CAMK1G: variants seen among roughly 807,000 people sequenced by gnomAD.
The protein encoded by CAMK1G is calcium/calmodulin-dependent protein kinase type 1G.
In CAMK1G, 27 loss-of-function variants were observed where a neutral mutation model predicts 54.8. The observed-to-expected ratio is 0.49, with a 90% CI of 0.36 to 0.68. The LOEUF (loss-of-function observed/expected upper bound fraction) is 0.68, where lower values mean the gene tolerates loss of function less well. CAMK1G is among the 30% of genes least tolerant of loss of function. The probability of loss-of-function intolerance (pLI) is 0.00; values close to 1 mark genes in which losing one functional copy is unlikely to be tolerated. For missense variants in CAMK1G, 512 were observed against 591.0 expected (o/e 0.87, Z 1.39); for synonymous variants, 238 against 224.9 (o/e 1.06, Z -0.52).
intron 1 of CAMK1G, among the ~76,000 whole-genome samples, chr1:209,588,777 A>G (rs538219930): frequency 7.0e-4 from 107 of 152,334 alleles, no homozygotes; most frequent in Non-Finnish European, 1.2e-3. Flanking sequence ...GAGGAAGGAC[A>G]GAGAAGCTCC....
At chr1:209,595,845 G>A (rs1284413252) in intron 2 of CAMK1G, among the ~76,000 whole-genome samples, 1 of 152,182 alleles carries the variant, frequency 6.6e-6, no homozygotes. Flanking sequence ...TGATTACATG[G>A]CTGGCAGATC....
At chr1:209,603,154 C>T in intron 3 of CAMK1G, 60 bp from the exon 4 acceptor site, 3 of 1,564,696 alleles carry the variant, frequency 1.9e-6, no homozygotes, top group Non-Finnish European at 2.6e-6. Flanking sequence ...GCTAGGTCTG[C>T]ATTATTTGTC....
Position 209,612,170 on chromosome 1 carries a change from T to G in CAMK1G, c.1294T>G (p.Ser432Ala). 1 of 1,614,158 alleles carries G rather than the reference T, an allele frequency of 6.2e-7. No individual in the cohort carries two copies. ...GAACATTGGGAGCAAAGGAAAGTCC[T>G]CCTACTGCTCTGAGCCCACACTCCT... ...CLNIGSKGKSSYCSEPTLLKK... is the reference protein window; with the variant it reads ...CLNIGSKGKSAYCSEPTLLKK... Residue 432 changes from serine (S) to alanine (A), a missense_variant, in exon 11 of 13, where the codon TCC becomes GCC. Ser to Ala is a moderately conservative substitution (Grantham distance 99). Coordinates refer to ENST00000361322, the MANE Select transcript of CAMK1G (RefSeq NM_020439.3).
intron 6 of CAMK1G, 107 bp downstream of exon 6, chr1:209,606,550 G>C: frequency 7.8e-7 from 1 of 1,276,278 alleles, no homozygotes; most frequent in Non-Finnish European, 1.1e-6. Flanking sequence ...AACTTCAGGG[G>C]CTATCCTGGT....
chr1:209,608,721 A>G (rs574319626), intron 7 of CAMK1G, among the ~76,000 whole-genome samples: 1 of 152,202 alleles, frequency 6.6e-6, no homozygotes. Flanking sequence ...AAGTATAAGG[A>G]GAGGTGGCAA....
Position 209,611,923 on chromosome 1 carries a change from C to T in CAMK1G, c.1047C>T (p.Ser349=), listed in dbSNP as rs779208559. The part of the protein sequence containing the change: ...ETQASETSRP[S]SPEITITEAP... ...AAGCCTCAGAAACCTCTAGACCCAG[C>T]TCCCCTGAGATCACCATCACCGAGG... Residue 349 remains serine (S), a synonymous_variant, in exon 11 of 13, where the codon AGC becomes AGT. Transcript: ENST00000361322. 5.3e-5 allele frequency: 86 copies of T among 1,614,156 alleles called. No individual in the cohort carries two copies. Among genetic ancestry groups the T allele is most frequent in the Non-Finnish European group, 1.1e-5 (13 of 1,180,060 alleles).
At chr1:209,589,585 GC>G (rs1372364419) in intron 1 of CAMK1G, among the ~76,000 whole-genome samples, 1 of 152,136 alleles carries the variant, frequency 6.6e-6, no homozygotes, top group African/African-American at 2.4e-5. Flanking sequence ...CCACCCCCAA[GC>G]TTTTCTCTCA....
At chr1:209,601,453 T>C (rs1197155227) in intron 3 of CAMK1G, among the ~76,000 whole-genome samples, 2 of 152,092 alleles carry the variant, frequency 1.3e-5, no homozygotes, top group East Asian at 1.9e-4. Context: ...TAGAAAGAAA[T>C]TGGTTGGAAC....
chr1:209,605,520 G>T lies in CAMK1G; in HGVS notation c.297-16G>T. On this transcript the variant is annotated splice_polypyrimidine_tract_variant and intron_variant, in intron 4 of 12. Transcript: ENST00000361322. ...GAAATGAGAACTGAATTCCTGTCTT[G>T]ATCCTATGCCCACAGTGTTTCTGGT... The T allele has an allele frequency of 6.2e-7, 1 of 1,612,450 alleles. No individual in the cohort carries two copies. Among genetic ancestry groups the T allele is most frequent in the Non-Finnish European group, 8.5e-7 (1 of 1,179,024 alleles).
At position 209,608,993 on chromosome 1, in the gene CAMK1G, C is replaced by A; in HGVS notation, c.649C>A (p.Pro217Thr). The stretch of plus-strand genomic sequence containing the variant: ...GTCCTGCTGCAGGCTCTGTGGATAC[C>A]CCCCATTCTATGAAGAAACGGAGTC... ...VITYILLCGYPPFYEETESKL... is the reference protein window; with the variant it reads ...VITYILLCGYTPFYEETESKL... Residue 217 changes from proline (P) to threonine (T), a missense_variant, in exon 8 of 13, where the codon CCC becomes ACC. By Grantham distance (38) the Pro-to-Thr change is conservative (BLOSUM62 -1). This residue lies in a region of CAMK1G where 315 missense variants were observed against 330.5 expected (regional missense o/e 0.95). Coordinates refer to ENST00000361322, the MANE Select transcript of CAMK1G (RefSeq NM_020439.3). 1 of 1,614,074 alleles carries A rather than the reference C, an allele frequency of 6.2e-7. No homozygotes were observed. The highest frequency in any genetic ancestry group is 2.2e-5 in the East Asian group (1 of 44,886).
chr1:209,611,573 G>T (rs760445225), intron 10 of CAMK1G, 21 bp downstream of exon 10: 2 of 1,607,048 alleles, frequency 1.2e-6, no homozygotes, highest in Non-Finnish European at 1.7e-6. Flanking sequence ...CTCTCCAGGG[G>T]GTGGGAAAGC....
chr1:209,586,273 T>G (rs1312604170), intron 1 of CAMK1G, among the ~76,000 whole-genome samples: 2 of 151,050 alleles, frequency 1.3e-5, no homozygotes, highest in Non-Finnish European at 3.0e-5. Flanking sequence ...AGCGTTAACC[T>G]TGAAAACTCC....
At chr1:209,585,825 GC>G (rs1313745635) in intron 1 of CAMK1G, among the ~76,000 whole-genome samples, 1 of 152,364 alleles carries the variant, frequency 6.6e-6, no homozygotes, top group East Asian at 1.9e-4. Flanking sequence ...GCCTGCCAGC[GC>G]CAGCGAGTGA....
intron 4 of CAMK1G, among the ~76,000 whole-genome samples, chr1:209,604,145 T>G (rs1665591863): frequency 6.6e-6 from 1 of 152,202 alleles, no homozygotes; most frequent in Non-Finnish European, 1.5e-5. Flanking sequence ...GGCTGATTAC[T>G]AAGAAACTTT....
chr1:209,593,895 C>G (rs1466685918), intron 1 of CAMK1G, among the ~76,000 whole-genome samples: 1 of 152,192 alleles, frequency 6.6e-6, no homozygotes, highest in East Asian at 1.9e-4. Flanking sequence ...GTCTACAAAG[C>G]CCTTTATTGT....
chr1:209,589,258 A>G (rs2102380702), intron 1 of CAMK1G, among the ~76,000 whole-genome samples: 1 of 152,324 alleles, frequency 6.6e-6, no homozygotes, highest in Admixed American at 6.5e-5. Flanking sequence ...AGCCTTGTCT[A>G]GTGTTGCAGG....
intron 8 of CAMK1G, among the ~76,000 whole-genome samples, chr1:209,609,338 G>GT (rs1401731744): frequency 6.6e-6 from 1 of 152,188 alleles, no homozygotes; most frequent in Admixed American, 6.5e-5. Flanking sequence ...GAGATGGGGG[G>GT]GCAGTTTAGA....
chr1:209,605,700 G>A lies in CAMK1G; in HGVS notation c.435+26G>A, dbSNP rs773083016. The stretch of plus-strand genomic sequence containing the variant: ...GTGTCAAGGCGGGAGTCCTGGGTGG[G>A]AAACAGATAATGACCCTTAAGGAAG... On this transcript the variant is annotated intron_variant, in intron 5 of 12. Coordinates refer to ENST00000361322, the MANE Select transcript of CAMK1G (RefSeq NM_020439.3). 5.6e-6 allele frequency: 9 copies of A among 1,606,586 alleles called. 1 individual carries two copies. In the South Asian group the frequency reaches 8.8e-5, roughly 16 times the overall value.
intron 1 of CAMK1G, among the ~76,000 whole-genome samples, chr1:209,587,079 A>G (rs182607064): frequency 6.6e-6 from 1 of 152,174 alleles, no homozygotes; most frequent in Admixed American, 6.5e-5. Flanking sequence ...CAGTGGCAGA[A>G]GGGCTGGGAA....
Sources: gnomAD v4.1 joint callset for allele counts (sites outside exome capture counted in the v4.1 genomes callset) on GRCh38, gnomAD v4.1.1 for gene constraint, gnomAD v4.1.1 regional missense constraint, MANE v1.5 for transcripts, NCBI Gene and HGNC (gene_info 2026-07-23, HGNC 2026-07-21) for gene names.